Variants in UBE3A observed in about 807,000 individuals in gnomAD.
UBE3A encodes ubiquitin-protein ligase E3A.
UBE3A carries 6 observed loss-of-function variants against 83.4 expected under a neutral mutation model. The observed-to-expected ratio is 0.07, with a 90% confidence interval of 0.04 to 0.14. The LOEUF (loss-of-function observed/expected upper bound fraction) is 0.14, where lower values mean the gene tolerates loss of function less well. Ranked by LOEUF, UBE3A falls within the 10% of genes least tolerant of loss-of-function variation. The probability of loss-of-function intolerance (pLI) is 1.00; values close to 1 mark genes in which losing one functional copy is unlikely to be tolerated. For missense variants in UBE3A, 456 were observed against 1,036.1 expected (o/e 0.44, Z 7.69); for synonymous variants, 337 against 355.4 (o/e 0.95, Z 0.58).
At chr15:25,349,792 A>C (rs2076230219) in intron 11 of UBE3A, among the ~76,000 whole-genome samples, 1 of 152,162 alleles carries the variant, frequency 6.6e-6, no homozygotes, top group Non-Finnish European at 1.5e-5. Flanking sequence ...TTATTAAGTA[A>C]AATAAGGGTT....
intron 1 of UBE3A, among the ~76,000 whole-genome samples, chr15:25,437,050 T>A (rs982819077): frequency 6.6e-6 from 1 of 152,248 alleles, no homozygotes; most frequent in Non-Finnish European, 1.5e-5. Context: ...ACACAAAGAT[T>A]GAAAATTATT....
At chr15:25,401,312 T>A (rs1480442509) in intron 4 of UBE3A, among the ~76,000 whole-genome samples, 2 of 152,192 alleles carry the variant, frequency 1.3e-5, no homozygotes, top group African/African-American at 4.8e-5. Flanking sequence ...GTAATGCTCA[T>A]CTCCCAAAAT....
intron 11 of UBE3A, among the ~76,000 whole-genome samples, chr15:25,350,480 T>C (rs748902033): frequency 2.0e-5 from 3 of 152,078 alleles, no homozygotes; most frequent in Non-Finnish European, 2.9e-5. Flanking sequence ...TAAGACATAC[T>C]GCTATATTTT....
intron 4 of UBE3A, among the ~76,000 whole-genome samples, chr15:25,396,589 C>G (rs1434404120): frequency 6.6e-6 from 1 of 152,196 alleles, no homozygotes; most frequent in Non-Finnish European, 1.5e-5. Flanking sequence ...CACCACTGCA[C>G]TCTAGCTGTA....
chr15:25,334,913 A>C lies in UBE3A; in HGVS notation c.*4224T>G, dbSNP rs2073886511. 6.6e-6 allele frequency: 1 copy of C among 152,180 alleles called. No homozygotes were observed. The highest frequency in any genetic ancestry group is 2.4e-5 in the African/African-American group (1 of 41,432). The allele number at this position is 152,180 out of a possible 1,614,324, so 9.4% of individuals were successfully genotyped here. The stretch of plus-strand genomic sequence containing the variant: ...ACTACATTCTACTGCATGCTCGGTC[A>C]TTTTCAATCATTTAGGTGGCAACAC... On this transcript the variant is annotated 3_prime_UTR_variant, in exon 13 of 13. Transcript: ENST00000648336.
At chr15:25,354,277 A>C in intron 11 of UBE3A, 76 bp downstream of exon 11, 28 of 1,309,984 alleles carry the variant, frequency 2.1e-5, no homozygotes, top group African/African-American at 2.9e-5. Flanking sequence ...ATTAGTACCT[A>C]GAGATAAAGG....
chr15:25,415,553 A>C (rs893603604), intron 1 of UBE3A, among the ~76,000 whole-genome samples: 2 of 152,070 alleles, frequency 1.3e-5, no homozygotes, highest in African/African-American at 4.8e-5. Flanking sequence ...CCACCCACCT[A>C]TCATGCCATG....
intron 7 of UBE3A, among the ~76,000 whole-genome samples, chr15:25,358,929 T>C (rs2152718859): frequency 6.6e-6 from 1 of 152,314 alleles, no homozygotes; most frequent in Non-Finnish European, 1.5e-5. Context: ...TTAATAAATT[T>C]GTTCAAGCTG....
chr15:25,407,147 G>C, intron 3 of UBE3A: 1 of 1,349,892 alleles, frequency 7.4e-7, no homozygotes, highest in Non-Finnish European at 9.8e-7. Flanking sequence ...GCTAAAAATT[G>C]ATGATAACCC....
chr15:25,356,244 TC>T (rs1429116313), intron 8 of UBE3A, among the ~76,000 whole-genome samples, 188 bp from the exon 9 acceptor site: 2 of 151,778 alleles, frequency 1.3e-5, no homozygotes, highest in African/African-American at 4.8e-5. Context: ...CACTGTGATG[TC>T]CCATTCTCTG....
chr15:25,367,533 G>A (rs2079530008), intron 6 of UBE3A, among the ~76,000 whole-genome samples: 1 of 152,042 alleles, frequency 6.6e-6, no homozygotes, highest in Admixed American at 6.5e-5. Flanking sequence ...TTCTTAAGCA[G>A]TTCTAAGGTA....
At chr15:25,429,075 G>A (rs927703330) in intron 1 of UBE3A, among the ~76,000 whole-genome samples, 1 of 152,042 alleles carries the variant, frequency 6.6e-6, no homozygotes, top group Non-Finnish European at 1.5e-5. Flanking sequence ...TCAAAAACTT[G>A]ATACTGAGTT....
intron 1 of UBE3A, chr15:25,422,008 C>T (rs890119429): frequency 6.6e-5 from 10 of 152,144 alleles, no homozygotes; most frequent in African/African-American, 2.2e-4. Context: ...GCACACAAAA[C>T]AGTACCTTTA....
In UBE3A at chr15:25,356,877, T is replaced by C. The variant is rs34670662; in HGVS notation, c.1773A>G (p.Glu591=). The change falls in exon 8 of 13, where the codon GAA becomes GAG. Residue 591 remains glutamate, a synonymous_variant. Transcript: ENST00000648336. ...GATTAAACCAAAACAATTTTGTAGA[T>C]TCATCGTATGTGAACATACCTATAA... The part of the protein sequence containing the change: ...NPDIGMFTYD[E]STKLFWFNPS... 4.5e-3 allele frequency: 7,225 copies of C among 1,613,634 alleles called. 303 individuals carry two copies. The African/African-American group carries it at 0.086, about 19-fold the overall frequency.
At chr15:25,374,019 T>C (rs548204120) in intron 5 of UBE3A, 2 of 152,210 alleles carry the variant, frequency 1.3e-5, no homozygotes, top group Non-Finnish European at 2.9e-5. Context: ...TTAATACTTA[T>C]GCAACTTTGT....
At chr15:25,419,293 A>T (rs532596875) in intron 1 of UBE3A, 1 of 152,344 alleles carries the variant, frequency 6.6e-6, no homozygotes, top group South Asian at 2.1e-4. Flanking sequence ...TTTGAAAAGC[A>T]TAAAAAAAGA....
intron 6 of UBE3A, among the ~76,000 whole-genome samples, chr15:25,369,828 C>G (rs2080006575): frequency 6.6e-6 from 1 of 152,036 alleles, no homozygotes; most frequent in Non-Finnish European, 1.5e-5. Flanking sequence ...AAATGGCAAC[C>G]CCATCTGGAA....
rs550536865 is a variant in UBE3A at position 25,364,898 on chromosome 15, G to A, written c.1609-4371C>T. Among the ~76,000 whole-genome samples, 329 of 151,586 alleles carry A rather than the reference G, an allele frequency of 2.2e-3. 1 individual carries two copies. The highest frequency in any genetic ancestry group is 3.4e-3 in the Middle Eastern group (1 of 292). On this transcript the variant is annotated intron_variant, in intron 6 of 12. Coordinates refer to ENST00000648336, the MANE Select transcript of UBE3A (RefSeq NM_130839.5). ...CCTGACCTTGTGATCTGCCCGCCTT[G>A]GCCTCCCAAAGTGCTGGGATTACAG...
At chr15:25,343,005 C>G (rs2075108171) in intron 11 of UBE3A, among the ~76,000 whole-genome samples, 1 of 152,026 alleles carries the variant, frequency 6.6e-6, no homozygotes, top group Non-Finnish European at 1.5e-5. Flanking sequence ...GTGGAAGCAG[C>G]TAATGAAAAA....
Sources: gnomAD v4.1 joint callset for allele counts (sites outside exome capture counted in the v4.1 genomes callset) on GRCh38, gnomAD v4.1.1 for gene constraint, MANE v1.5 for transcripts, NCBI Gene and HGNC (gene_info 2026-07-23, HGNC 2026-07-21) for gene names.